The following COL4A6 variants were observed in gnomAD, a reference collection of about 807,000 sequenced individuals.
COL4A6 encodes the protein collagen alpha-6(IV) chain.
Under a neutral mutation model 126.7 loss-of-function variants are expected in COL4A6, and 59 were observed. The observed-to-expected ratio is 0.47, with a 90% CI of 0.38 to 0.58. The LOEUF is 0.58. COL4A6 is among the 20% of genes least tolerant of loss of function. The probability of loss-of-function intolerance (pLI) is 0.00; values close to 1 mark genes in which losing one functional copy is unlikely to be tolerated. For missense variants in COL4A6, 1,285 were observed against 1,337.3 expected, an observed-to-expected ratio of 0.96 and a Z score of 0.61; for synonymous variants, 547 against 496.6, an observed-to-expected ratio of 1.10 and a Z score of -1.35.
intron 3 of COL4A6, among the ~76,000 whole-genome samples, chrX:108,309,765 A>C (rs1472076009): frequency 1.9e-5 from 2 of 104,796 alleles, no homozygotes; most frequent in African/African-American, 7.0e-5. Flanking sequence ...AGAAATGGGA[A>C]GTTCTGAACT....
intron 3 of COL4A6, chrX:108,267,776 T>C (rs1432899682): frequency 8.9e-6 from 1 of 112,693 alleles, no homozygotes; most frequent in Non-Finnish European, 1.9e-5. Context: ...ACAGACTCTT[T>C]TTCACGTAAG....
At chrX:108,187,315 C>A in intron 22 of COL4A6, 36 bp from the exon 23 acceptor site, 1 of 1,052,471 alleles carries the variant, frequency 9.5e-7, no homozygotes, top group Non-Finnish European at 1.3e-6. Flanking sequence ...GAAAATTCAA[C>A]TCAGAGATTT....
intron 2 of COL4A6, among the ~76,000 whole-genome samples, chrX:108,377,034 C>A (rs936036541): frequency 8.9e-6 from 1 of 112,469 alleles, no homozygotes; most frequent in Non-Finnish European, 1.9e-5. Flanking sequence ...CTCTGAGTTC[C>A]CTTAGTATTT....
chrX:108,292,992 G>GAAAAAA (rs2038206236), intron 3 of COL4A6, among the ~76,000 whole-genome samples: 10 of 10,401 alleles, frequency 9.6e-4, no homozygotes, highest in African/African-American at 1.8e-3. Flanking sequence ...AAGGAAAAAA[G>GAAAAAA]CAAAAAAAAA....
At chrX:108,165,977 G>A (rs1037399665) in intron 37 of COL4A6, among the ~76,000 whole-genome samples, 2 of 112,568 alleles carry the variant, frequency 1.8e-5, no homozygotes, top group Non-Finnish European at 3.7e-5. Context: ...GCAAGAATGC[G>A]GTGCCTCTGT....
chrX:108,177,415 T>G (rs1026077594), intron 27 of COL4A6, among the ~76,000 whole-genome samples: 9 of 112,019 alleles, frequency 8.0e-5, no homozygotes, highest in African/African-American at 2.9e-4. Flanking sequence ...CCTGAGCCAA[T>G]CGGTGAAGTA....
At chrX:108,257,201 TCAAA>T (rs943617109) in intron 3 of COL4A6, among the ~76,000 whole-genome samples, 3 of 111,945 alleles carry the variant, frequency 2.7e-5, no homozygotes, top group African/African-American at 9.7e-5. Context: ...GATGGTTGAT[TCAAA>T]CAAACTTTGC....
At chrX:108,365,361 G>A (rs1389552202) in intron 2 of COL4A6, among the ~76,000 whole-genome samples, 4 of 111,958 alleles carry the variant, frequency 3.6e-5, no homozygotes. Context: ...TGAAAGGAAG[G>A]AAGCAATGAA....
At chrX:108,373,628 C>T (rs549974157) in intron 2 of COL4A6, among the ~76,000 whole-genome samples, 1 of 111,310 alleles carries the variant, frequency 9.0e-6, no homozygotes, top group African/African-American at 3.3e-5. Context: ...TCTCTCCTTC[C>T]TTGATTAAGC....
At chrX:108,308,853 T>C (rs1279977702) in intron 3 of COL4A6, among the ~76,000 whole-genome samples, 2 of 111,932 alleles carry the variant, frequency 1.8e-5, no homozygotes, top group Non-Finnish European at 3.8e-5. Context: ...CTAGTATCTA[T>C]GCTTGAACAC....
At chrX:108,298,165 T>C (rs1465524298) in intron 3 of COL4A6, among the ~76,000 whole-genome samples, 1 of 111,339 alleles carries the variant, frequency 9.0e-6, no homozygotes, top group Non-Finnish European at 1.9e-5. Context: ...CTTCATGAGG[T>C]AAATACTTTT....
At chrX:108,310,355 T>C (rs2038731948) in intron 3 of COL4A6, among the ~76,000 whole-genome samples, 1 of 112,183 alleles carries the variant, frequency 8.9e-6, no homozygotes, top group Non-Finnish European at 1.9e-5. Flanking sequence ...TTTGGACAAG[T>C]CACATCCACA....
intron 2 of COL4A6, among the ~76,000 whole-genome samples, chrX:108,333,012 G>A (rs1042846219): frequency 1.8e-5 from 2 of 110,884 alleles, no homozygotes; most frequent in African/African-American, 6.5e-5. Flanking sequence ...AGGATATGGT[G>A]ATAGATATGG....
intron 2 of COL4A6, among the ~76,000 whole-genome samples, chrX:108,362,107 GAGAGAC>G (rs1397368424): frequency 8.1e-5 from 9 of 110,863 alleles, no homozygotes; most frequent in African/African-American, 9.8e-5. Context: ...GAGAGAGACA[GAGAGAC>G]AGAGACAGAG....
Position 108,211,671 on chromosome X carries a change from C to T in COL4A6, c.510+1G>A. ...CAGCTATCTGACTTACAGGTTCTTACCTTCATTCCTTTGAAACTACCTGGA... is the reference window on the plus strand; with the variant it reads ...CAGCTATCTGACTTACAGGTTCTTATCTTCATTCCTTTGAAACTACCTGGA... On this transcript the variant is annotated splice_donor_variant, in intron 7 of 44. Coordinates refer to ENST00000334504, the MANE Select transcript of COL4A6 (RefSeq NM_033641.4). LOFTEE classifies it high-confidence loss of function. 1 of 1,210,183 alleles carries T rather than the reference C, an allele frequency of 8.3e-7. No homozygotes were observed. Among genetic ancestry groups the T allele is most frequent in the Non-Finnish European group, 1.1e-6 (1 of 893,885 alleles).
chrX:108,165,926 A>G (rs980305436), intron 37 of COL4A6, among the ~76,000 whole-genome samples: 1 of 112,862 alleles, frequency 8.9e-6, no homozygotes, highest in Non-Finnish European at 1.9e-5. Context: ...CACAGGCCCC[A>G]GCCAGTCAGA....
intron 2 of COL4A6, among the ~76,000 whole-genome samples, chrX:108,339,597 G>A (rs1223536919): frequency 9.0e-6 from 1 of 111,459 alleles, no homozygotes; most frequent in Non-Finnish European, 1.9e-5. Context: ...CAAAGTAGTA[G>A]ATAGGTCTTG....
rs1486080059 is a variant in COL4A6, at chrX:108,197,975, T to C, written c.835-1396A>G. 6.3e-5 allele frequency among the ~76,000 whole-genome samples: 7 copies of C among 111,645 alleles called. No homozygotes were observed. The East Asian group carries it at 2.0e-3, about 31-fold the overall frequency. ...CAAACTTATTTAAAATATGAGTTTTTCTGCATCAAACCAAGGCATGCTGCG... is the reference window on the plus strand; with the variant it reads ...CAAACTTATTTAAAATATGAGTTTTCCTGCATCAAACCAAGGCATGCTGCG... On this transcript the variant is annotated intron_variant, in intron 13 of 44. Transcript: ENST00000334504.
chrX:108,432,087 C>A (rs753869561), intron 2 of COL4A6, among the ~76,000 whole-genome samples: 1 of 112,452 alleles, frequency 8.9e-6, no homozygotes, highest in African/African-American at 3.2e-5. Flanking sequence ...TTTTATCTAT[C>A]TTGTCAAAAG....
Sources: allele counts gnomAD v4.1 joint callset (sites outside exome capture counted in the v4.1 genomes callset), GRCh38; gene constraint gnomAD v4.1.1; transcripts MANE v1.5; gene names NCBI Gene and HGNC (gene_info 2026-07-23, HGNC 2026-07-21).